LRRK2: variants seen among roughly 807,000 people sequenced by gnomAD.
LRRK2 encodes leucine-rich repeat serine/threonine-protein kinase 2.
LRRK2 carries 203 observed loss-of-function variants against 302.6 expected under a neutral mutation model. The observed-to-expected ratio is 0.67, with a 90% CI of 0.60 to 0.75. The LOEUF (loss-of-function observed/expected upper bound fraction) is 0.75, where lower values mean the gene tolerates loss of function less well. Ranked by LOEUF, LRRK2 falls within the 30% of genes least tolerant of loss-of-function variation. The probability of loss-of-function intolerance (pLI) is 0.00; values close to 1 mark genes in which losing one functional copy is unlikely to be tolerated. For missense variants in LRRK2, 2,830 were observed against 2,951.0 expected (o/e 0.96, Z 0.95); for synonymous variants, 1,066 against 1,031.9 (o/e 1.03, Z -0.63).
At chr12:40,367,453 G>T in intron 50 of LRRK2, 191 bp from the exon 51 acceptor site, 1 of 444,710 alleles carries the variant, frequency 2.2e-6, no homozygotes, top group Non-Finnish European at 3.9e-6. Flanking sequence ...AAATTTAATA[G>T]TTTCTATAAT....
rs560184946 is a variant in LRRK2 at position 40,341,528 on chromosome 12, A to AGTG, written c.6109+1075_6109+1077dup. ...CTTCAAAGTGTATGTTCTGGCTGAG[A>AGTG]GTGTCTCTGTGTTGTTCAATAATAA... On this transcript the variant is annotated intron_variant, in intron 41 of 50. Transcript: ENST00000298910. 9.9e-3 allele frequency among the ~76,000 whole-genome samples: 1,503 copies of AGTG among 152,284 alleles called. 11 individuals are homozygous for AGTG. Among genetic ancestry groups the AGTG allele is most frequent in the Non-Finnish European group, 0.017 (1,169 of 68,030 alleles).
chr12:40,326,779 A>G (rs1945565905), intron 38 of LRRK2, among the ~76,000 whole-genome samples: 1 of 152,160 alleles, frequency 6.6e-6, no homozygotes, highest in Non-Finnish European at 1.5e-5. Flanking sequence ...CAACAATCCT[A>G]ACTAATGGTT....
At chr12:40,306,960 A>G (rs768077121) in intron 28 of LRRK2, among the ~76,000 whole-genome samples, 1 of 152,104 alleles carries the variant, frequency 6.6e-6, no homozygotes, top group East Asian at 1.9e-4. Flanking sequence ...AAAGATGGTC[A>G]TATAAAAATT....
rs947330609 is a variant in LRRK2, at chr12:40,367,387, T to C, written c.7463-257T>C. 9 of 401,716 alleles carry C rather than the reference T, an allele frequency of 2.2e-5. No individual in the cohort carries two copies. In the Middle Eastern group the frequency reaches 3.4e-3, roughly 154 times the overall value. The allele number at this position is 401,716 out of a possible 1,614,324, so 24.9% of individuals were successfully genotyped here. A position where few individuals can be genotyped will look rare whatever the true frequency, so the allele number is the denominator to read the frequency against. The stretch of plus-strand genomic sequence containing the variant: ...AATTTTGAACAGTGTTTGAAAAAGC[T>C]TTTATTTCTTTTAGAATATGAAATG... On this transcript the variant is annotated intron_variant, in intron 50 of 50. Coordinates refer to ENST00000298910, the MANE Select transcript of LRRK2 (RefSeq NM_198578.4).
At chr12:40,252,078 C>T (rs974352708) in intron 10 of LRRK2, among the ~76,000 whole-genome samples, 25 of 152,252 alleles carry the variant, frequency 1.6e-4, no homozygotes, top group Admixed American at 5.2e-4. Context: ...AAGACCGGCA[C>T]TCTCTCCCAA....
chr12:40,287,227 C>A, intron 19 of LRRK2, 124 bp from the exon 20 acceptor site: 2 of 859,130 alleles, frequency 2.3e-6, no homozygotes, highest in Non-Finnish European at 3.7e-6. Flanking sequence ...TGTAAGGTGA[C>A]TTTGAAAGGA....
At chr12:40,330,963 C>T (rs1945696298) in intron 39 of LRRK2, among the ~76,000 whole-genome samples, 1 of 152,088 alleles carries the variant, frequency 6.6e-6, no homozygotes, top group African/African-American at 2.4e-5. Flanking sequence ...TCTTTCCATC[C>T]CCTCTGGTTG....
chr12:40,295,687 G>A (rs1453296168), intron 23 of LRRK2, 43 bp downstream of exon 23: 1 of 1,557,606 alleles, frequency 6.4e-7, no homozygotes, highest in Non-Finnish European at 8.8e-7. Context: ...CATTTGAAGA[G>A]CTTTTGTATT....
At chr12:40,321,752 A>G (rs1945408451) in intron 35 of LRRK2, among the ~76,000 whole-genome samples, 1 of 152,178 alleles carries the variant, frequency 6.6e-6, no homozygotes, top group East Asian at 1.9e-4. Flanking sequence ...TTTAAAAATT[A>G]TGAGGATTTA....
chr12:40,353,191 C>T (rs189538849), intron 44 of LRRK2, among the ~76,000 whole-genome samples: 9,068 of 147,392 alleles, frequency 0.062, 419 homozygotes, highest in Admixed American at 0.13. Flanking sequence ...TCCGACGGGG[C>T]GGCTGCTGGG....
At chr12:40,284,244 A>G (rs1281426845) in intron 19 of LRRK2, 111 bp downstream of exon 19, 2 of 922,218 alleles carry the variant, frequency 2.2e-6, no homozygotes, top group South Asian at 1.9e-5. Flanking sequence ...TAAGCCAAAG[A>G]TATTGCAAAG....
chr12:40,281,082 C>A (rs11175844), intron 18 of LRRK2, among the ~76,000 whole-genome samples: 91 of 136,248 alleles, frequency 6.7e-4, no homozygotes, highest in Middle Eastern at 3.6e-3. Flanking sequence ...AAAAAAAAAA[C>A]AAAAAACGAA....
At position 40,225,538 on chromosome 12, in the gene LRRK2, A is replaced by G; in HGVS notation, c.152-17A>G. ...GATTGTGACTTTGCTTCTTTTCCCC[A>G]CCCACTTGTTTTCCAGCCTCCAAGT... On this transcript the variant is annotated splice_polypyrimidine_tract_variant and intron_variant, in intron 1 of 50. Coordinates refer to ENST00000298910, the MANE Select transcript of LRRK2 (RefSeq NM_198578.4). The G allele has an allele frequency of 6.2e-7, 1 of 1,608,002 alleles. No homozygotes were observed. Among genetic ancestry groups the G allele is most frequent in the Non-Finnish European group, 8.5e-7 (1 of 1,174,658 alleles).
At chr12:40,314,690 T>A (rs1945158274) in intron 32 of LRRK2, among the ~76,000 whole-genome samples, 1 of 152,020 alleles carries the variant, frequency 6.6e-6, no homozygotes, top group African/African-American at 2.4e-5. Flanking sequence ...ACTTCAGTGC[T>A]AATTGTGTAC....
intron 25 of LRRK2, among the ~76,000 whole-genome samples, chr12:40,302,368 C>T (rs1280681534): frequency 6.6e-6 from 1 of 151,790 alleles, no homozygotes; most frequent in Non-Finnish European, 1.5e-5. Context: ...GAGCTAGTAC[C>T]ATAAAGAATT....
intron 37 of LRRK2, 21 bp downstream of exon 37, chr12:40,322,531 C>A: frequency 6.2e-7 from 1 of 1,600,490 alleles, no homozygotes; most frequent in Non-Finnish European, 8.6e-7. Context: ...ATACAACTTA[C>A]AAATGCTTTT....
intron 3 of LRRK2, among the ~76,000 whole-genome samples, chr12:40,234,181 A>G (rs1941328235): frequency 6.6e-6 from 1 of 152,134 alleles, no homozygotes; most frequent in African/African-American, 2.4e-5. Flanking sequence ...CAATTGCCAA[A>G]TGGAGATTAT....
intron 16 of LRRK2, among the ~76,000 whole-genome samples, chr12:40,277,496 C>G (rs1007484848): frequency 6.6e-6 from 1 of 152,148 alleles, no homozygotes; most frequent in African/African-American, 2.4e-5. Context: ...TATTATAATA[C>G]AAATTTTTAC....
At chr12:40,288,596 C>T (rs1396328969) in intron 20 of LRRK2, among the ~76,000 whole-genome samples, 1 of 151,818 alleles carries the variant, frequency 6.6e-6, no homozygotes, top group Admixed American at 6.6e-5. Flanking sequence ...TGCTCTACAT[C>T]CTTGTCAGTA....
Sources: gnomAD v4.1 joint callset for allele counts (sites outside exome capture counted in the v4.1 genomes callset) on GRCh38, gnomAD v4.1.1 for gene constraint, MANE v1.5 for transcripts, NCBI Gene and HGNC (gene_info 2026-07-23, HGNC 2026-07-21) for gene names.